PLEKHG1: variants seen among roughly 807,000 people sequenced by gnomAD.
PLEKHG1 encodes the protein pleckstrin homology and RhoGEF domain containing G1.
In PLEKHG1, 44 loss-of-function variants were observed where a neutral mutation model predicts 100.8. The observed-to-expected ratio is 0.44, with a 90% CI of 0.34 to 0.56. The LOEUF is 0.56. Ranked by LOEUF, PLEKHG1 falls within the 20% of genes least tolerant of loss-of-function variation. The pLI, the probability that PLEKHG1 is intolerant of heterozygous loss-of-function variation, is 0.01. For missense variants in PLEKHG1, 1,545 were observed against 1,720.9 expected, an observed-to-expected ratio of 0.90 and a Z score of 1.81; for synonymous variants, 640 against 662.5, an observed-to-expected ratio of 0.97 and a Z score of 0.52.
At chr6:150,676,204 A>G (rs1328168438) in intron 3 of PLEKHG1, among the ~76,000 whole-genome samples, 1 of 152,264 alleles carries the variant, frequency 6.6e-6, no homozygotes, top group Non-Finnish European at 1.5e-5. Flanking sequence ...AAATATGCAC[A>G]GCAACAATTG....
chr6:150,840,720 C>T (rs746383219), exon 16 of PLEKHG1: 74 of 1,614,004 alleles, frequency 4.6e-5, no homozygotes, highest in Middle Eastern at 1.6e-4. Flanking sequence ...GAATAGTCCG[C>T]GCACTCCAAA....
chr6:150,776,620 T>G (rs1168257862), intron 3 of PLEKHG1, among the ~76,000 whole-genome samples: 1 of 137,354 alleles, frequency 7.3e-6, no homozygotes, highest in Non-Finnish European at 1.5e-5. Context: ...GGTGCACATG[T>G]GCGGTTGCAC....
chr6:150,711,116 C>T (rs1052317182), intron 3 of PLEKHG1, among the ~76,000 whole-genome samples: 2 of 152,108 alleles, frequency 1.3e-5, no homozygotes, highest in Non-Finnish European at 2.9e-5. Flanking sequence ...GTCTTTTTAA[C>T]GTTTTTTAAT....
At chr6:150,702,140 A>G (rs1391139722) in intron 3 of PLEKHG1, among the ~76,000 whole-genome samples, 1 of 152,230 alleles carries the variant, frequency 6.6e-6, no homozygotes, top group Admixed American at 6.5e-5. Flanking sequence ...ATCTTTTGCC[A>G]CTTCAGAAAT....
intron 1 of PLEKHG1, among the ~76,000 whole-genome samples, chr6:150,723,061 G>A (rs1439688301): frequency 1.3e-5 from 2 of 152,170 alleles, no homozygotes; most frequent in African/African-American, 4.8e-5. Flanking sequence ...TGCTATTAGA[G>A]GGCCACTGCT....
intron 3 of PLEKHG1, among the ~76,000 whole-genome samples, 160 bp from the exon 5 acceptor site, chr6:150,786,230 C>T (rs767562031): frequency 3.3e-5 from 5 of 152,148 alleles, no homozygotes; most frequent in Non-Finnish European, 5.9e-5. Flanking sequence ...TGGGCAAGTC[C>T]CTTACCTAAG....
intron 3 of PLEKHG1, among the ~76,000 whole-genome samples, chr6:150,656,028 A>G (rs1778956560): frequency 6.6e-6 from 1 of 152,054 alleles, no homozygotes; most frequent in African/African-American, 2.4e-5. Flanking sequence ...GCAGACCGAC[A>G]TGGCACGTGT....
chr6:150,734,857 A>C (rs1438500394), intron 2 of PLEKHG1, among the ~76,000 whole-genome samples: 4 of 152,164 alleles, frequency 2.6e-5, no homozygotes, highest in Non-Finnish European at 5.9e-5. Context: ...CATCCTCTGG[A>C]AATTCAATTA....
rs543971756 is a variant in PLEKHG1, at chr6:150,746,094, G to A, written c.411+12002G>A. On this transcript the variant is annotated intron_variant, in intron 2 of 15. Transcript: ENST00000358517. ...GGGCTGGGAGTTGACAGACTGATGT[G>A]AATGGGCCAGGTTCCAAATGCACTC... 2.6e-5 allele frequency among the ~76,000 whole-genome samples: 4 copies of A among 152,282 alleles called. No individual in the cohort carries two copies. In the South Asian group the frequency reaches 8.3e-4, roughly 32 times the overall value.
At chr6:150,604,214 A>T (rs1318564410) in intron 1 of PLEKHG1, among the ~76,000 whole-genome samples, 1 of 152,278 alleles carries the variant, frequency 6.6e-6, no homozygotes. Flanking sequence ...TCCATAAATC[A>T]TCATAGTATT....
chr6:150,674,632 CCTCTCTCTCT>C (rs756355880), intron 3 of PLEKHG1, among the ~76,000 whole-genome samples: 112 of 66,340 alleles, frequency 1.7e-3, no homozygotes, highest in South Asian at 4.7e-3. Context: ...CTCTCTCCTC[CCTCTCTCTCT>C]CTCTCTCTCT....
intron 3 of PLEKHG1, among the ~76,000 whole-genome samples, chr6:150,710,856 A>G (rs1781217996): frequency 6.6e-6 from 1 of 152,074 alleles, no homozygotes. Flanking sequence ...TCCCTCCCTC[A>G]GGGAAACCTT....
At chr6:150,803,589 G>T (rs1786835823) in intron 6 of PLEKHG1, among the ~76,000 whole-genome samples, 1 of 152,098 alleles carries the variant, frequency 6.6e-6, no homozygotes, top group Non-Finnish European at 1.5e-5. Flanking sequence ...GCCTCCAGTG[G>T]TAAGATGATT....
intron 3 of PLEKHG1, among the ~76,000 whole-genome samples, chr6:150,785,322 T>A (rs1444809883): frequency 6.6e-6 from 1 of 152,200 alleles, no homozygotes; most frequent in Non-Finnish European, 1.5e-5. Flanking sequence ...AGCATATGAC[T>A]CATTAAAATA....
At chr6:150,739,280 A>C (rs769430218) in intron 2 of PLEKHG1, among the ~76,000 whole-genome samples, 14 of 152,170 alleles carry the variant, frequency 9.2e-5, no homozygotes, top group South Asian at 2.1e-4. Context: ...CTGAATTGTT[A>C]ATTACAACGT....
intron 3 of PLEKHG1, among the ~76,000 whole-genome samples, chr6:150,655,600 C>A (rs1187505315): frequency 6.9e-6 from 1 of 145,042 alleles, no homozygotes; most frequent in Non-Finnish European, 1.5e-5. Context: ...CTCAGCTACT[C>A]GGGAGGCTGA....
At chr6:150,795,003 C>T in intron 4 of PLEKHG1, among the ~76,000 whole-genome samples, 1 of 151,728 alleles carries the variant, frequency 6.6e-6, no homozygotes, top group East Asian at 1.9e-4. Context: ...AATCTTAGAC[C>T]ACATTAAGTG....
At chr6:150,733,835 A>G (rs1782418181) in exon 2 of PLEKHG1, 3 of 1,614,096 alleles carry the variant, frequency 1.9e-6, no homozygotes, top group African/African-American at 2.7e-5. Flanking sequence ...GGTAGGGGCC[A>G]TAAAACTGGA....
At chr6:150,610,113 T>G (rs1412409184) in intron 1 of PLEKHG1, among the ~76,000 whole-genome samples, 1 of 150,018 alleles carries the variant, frequency 6.7e-6, no homozygotes, top group East Asian at 1.9e-4. Flanking sequence ...TCTTTCCTTC[T>G]TTCTTTCTTT....
Sources: gnomAD v4.1 joint callset for allele counts (sites outside exome capture counted in the v4.1 genomes callset) on GRCh38, gnomAD v4.1.1 for gene constraint, MANE v1.5 for transcripts, NCBI Gene and HGNC (gene_info 2026-07-23, HGNC 2026-07-21) for gene names.